CSMD1: variants seen among roughly 807,000 people sequenced by gnomAD.
The protein encoded by CSMD1 is CUB and Sushi multiple domains 1, also known as CUB and sushi domain-containing protein 1.
In CSMD1, 213 loss-of-function variants were observed where a neutral mutation model predicts 417.5. That is an observed-to-expected ratio of 0.51 (90% CI 0.46 to 0.57). The LOEUF (loss-of-function observed/expected upper bound fraction) is 0.57. Among genes scored for constraint, CSMD1 ranks in the 20% least tolerant of loss-of-function variants. The pLI, the probability that CSMD1 is intolerant of heterozygous loss-of-function variation, is 0.00. For synonymous variants in CSMD1, 2,862 were observed against 1,736.8 expected (o/e 1.65, Z -16.11); for missense variants, 6,923 against 4,529.7 (o/e 1.53, Z -15.17).
intron 23 of CSMD1, among the ~76,000 whole-genome samples, chr8:3,339,515 A>G (rs1278161303): frequency 2.0e-5 from 3 of 152,174 alleles, no homozygotes; most frequent in Admixed American, 6.5e-5. Flanking sequence ...CAGAGGGCCA[A>G]TGGGACTTTA....
At chr8:4,587,199 A>C (rs1212944458) in intron 2 of CSMD1, among the ~76,000 whole-genome samples, 1 of 152,074 alleles carries the variant, frequency 6.6e-6, no homozygotes, top group African/African-American at 2.4e-5. Context: ...AGGGTATGTA[A>C]TTCCTTCAGT....
At chr8:4,255,182 G>C (rs73498600) in intron 3 of CSMD1, among the ~76,000 whole-genome samples, 14,545 of 152,216 alleles carry the variant, frequency 0.096, 992 homozygotes, top group East Asian at 0.33. Flanking sequence ...GCTGGAAAGA[G>C]CATGATGGGT....
chr8:4,533,331 T>C (rs916511199), intron 2 of CSMD1, among the ~76,000 whole-genome samples: 2 of 152,120 alleles, frequency 1.3e-5, no homozygotes, highest in Non-Finnish European at 2.9e-5. Context: ...GGATTATCAG[T>C]AGTTTAGAGT....
intron 1 of CSMD1, among the ~76,000 whole-genome samples, chr8:4,791,857 A>G (rs1797708543): frequency 6.6e-6 from 1 of 152,200 alleles, no homozygotes; most frequent in Non-Finnish European, 1.5e-5. Context: ...TTTTTTTCAA[A>G]AAAAAATTTT....
At chr8:4,614,505 T>C (rs1024701217) in intron 2 of CSMD1, among the ~76,000 whole-genome samples, 23 of 152,284 alleles carry the variant, frequency 1.5e-4, no homozygotes, top group African/African-American at 5.3e-4. Flanking sequence ...ATTTTTAAGA[T>C]TCATATACTA....
chr8:4,643,875 T>C (rs1261525859), intron 1 of CSMD1, among the ~76,000 whole-genome samples: 3 of 152,200 alleles, frequency 2.0e-5, no homozygotes, highest in African/African-American at 7.2e-5. Flanking sequence ...TCAGGCATTT[T>C]GCAGGAACAC....
chr8:3,661,832 C>G (rs1008338446), intron 7 of CSMD1, among the ~76,000 whole-genome samples: 1 of 152,202 alleles, frequency 6.6e-6, no homozygotes, highest in East Asian at 1.9e-4. Context: ...AAGTTTTTAT[C>G]ACACCAAACA....
chr8:4,063,947 T>C (rs1400089231), intron 3 of CSMD1, among the ~76,000 whole-genome samples: 1 of 152,110 alleles, frequency 6.6e-6, no homozygotes, highest in Non-Finnish European at 1.5e-5. Context: ...TTTCATTAAA[T>C]CATAAAATAT....
chr8:4,699,078 G>A (rs2617054), intron 1 of CSMD1, among the ~76,000 whole-genome samples: 2,167 of 152,166 alleles, frequency 0.014, 41 homozygotes, highest in African/African-American at 0.05. Flanking sequence ...TGACGTAGAT[G>A]TCCTGCTAGA....
At chr8:3,662,960 C>T (rs544029304) in intron 7 of CSMD1, among the ~76,000 whole-genome samples, 6 of 152,060 alleles carry the variant, frequency 3.9e-5, no homozygotes, top group African/African-American at 1.4e-4. Flanking sequence ...TCCTATGTAA[C>T]AAACCTGCAG....
At chr8:4,532,508 A>T (rs1432835983) in intron 2 of CSMD1, among the ~76,000 whole-genome samples, 1 of 139,186 alleles carries the variant, frequency 7.2e-6, no homozygotes, top group Non-Finnish European at 1.5e-5. Flanking sequence ...CCGCACCCCC[A>T]TTCAGTCACT....
At chr8:4,250,051 G>C (rs1585096536) in intron 3 of CSMD1, among the ~76,000 whole-genome samples, 1 of 152,150 alleles carries the variant, frequency 6.6e-6, no homozygotes, top group Non-Finnish European at 1.5e-5. Context: ...CCCCAATAAA[G>C]AGGGCTCTCA....
chr8:3,738,551 C>G (rs73494574), intron 6 of CSMD1, among the ~76,000 whole-genome samples: 12,780 of 152,252 alleles, frequency 0.084, 557 homozygotes, highest in Middle Eastern at 0.11. Flanking sequence ...CATGAATGCC[C>G]TTCCCTTTTC....
At chr8:4,129,236 C>G (rs1802948358) in intron 3 of CSMD1, among the ~76,000 whole-genome samples, 2 of 152,162 alleles carry the variant, frequency 1.3e-5, no homozygotes, top group African/African-American at 4.8e-5. Flanking sequence ...TCAATTTCCT[C>G]TTCTGAGGAT....
At chr8:4,424,396 G>C (rs962590433) in intron 2 of CSMD1, among the ~76,000 whole-genome samples, 1 of 151,818 alleles carries the variant, frequency 6.6e-6, no homozygotes, top group African/African-American at 2.4e-5. Context: ...AAAGTCAGGT[G>C]ACCTAAAGGA....
At chr8:3,252,972 G>C (rs1355971336) in intron 26 of CSMD1, among the ~76,000 whole-genome samples, 2 of 151,998 alleles carry the variant, frequency 1.3e-5, no homozygotes, top group Admixed American at 1.3e-4. Flanking sequence ...TATTAGTTTT[G>C]CTAGCAGTCT....
chr8:3,554,869 C>T (rs1380877637), intron 10 of CSMD1, among the ~76,000 whole-genome samples: 4 of 152,064 alleles, frequency 2.6e-5, no homozygotes, highest in Admixed American at 2.6e-4. Context: ...GGCAGGGAGC[C>T]CCCTGCAGTG....
At chr8:3,423,230 C>G (rs546068631) in intron 12 of CSMD1, among the ~76,000 whole-genome samples, 3 of 152,084 alleles carry the variant, frequency 2.0e-5, no homozygotes, top group African/African-American at 7.2e-5. Flanking sequence ...TTTAATTTGA[C>G]GAATTTGACT....
In CSMD1 at chr8:4,067,166, A is replaced by G. The variant is rs182252316; in HGVS notation, c.416-35067T>C. 1.6e-3 allele frequency among the ~76,000 whole-genome samples: 241 copies of G among 152,354 alleles called. 2 individuals carry two copies. Among genetic ancestry groups the G allele is most frequent in the African/African-American group, 5.2e-3 (215 of 41,582 alleles). ...ACCAAAGGGAAAGCAAGGATGAAAG[A>G]TACTGGGTGAAAGGCTATCCTCCGT... On this transcript the variant is annotated intron_variant, in intron 3 of 69. Coordinates refer to ENST00000635120, the MANE Select transcript of CSMD1 (RefSeq NM_033225.6).
Sources: gnomAD v4.1 joint callset for allele counts (sites outside exome capture counted in the v4.1 genomes callset) on GRCh38, gnomAD v4.1.1 for gene constraint, MANE v1.5 for transcripts, NCBI Gene and HGNC (gene_info 2026-07-23, HGNC 2026-07-21) for gene names.